TLN2: variants seen among roughly 807,000 people sequenced by gnomAD.
TLN2 encodes the protein talin 2, also known as talin-2.
TLN2 carries 118 observed loss-of-function variants against 294.7 expected under a neutral mutation model. The observed-to-expected ratio is 0.40, with a 90% CI of 0.34 to 0.47. The LOEUF (loss-of-function observed/expected upper bound fraction) is 0.47. Ranked by LOEUF, TLN2 falls within the 20% of genes least tolerant of loss-of-function variation. TLN2 has a pLI of 0.84. For missense variants in TLN2, 3,083 were observed against 3,282.2 expected, an observed-to-expected ratio of 0.94 and a Z score of 1.48; for synonymous variants, 1,431 against 1,304.5, an observed-to-expected ratio of 1.10 and a Z score of -2.09.
In TLN2 at chr15:62,746,317, G is replaced by A. The variant is rs1401848962; in HGVS notation, c.4026-2034G>A. 2.0e-5 allele frequency among the ~76,000 whole-genome samples: 3 copies of A among 152,146 alleles called. No individual in the cohort carries two copies. The East Asian group carries it at 5.8e-4, about 29-fold the overall frequency. Reference sequence around the variant, plus strand: ...TAGAACAGGGTGCTGGACTCCCCAGGAGGTACTTTAAAAGCGCGCATTGAG... The same window carrying A: ...TAGAACAGGGTGCTGGACTCCCCAGAAGGTACTTTAAAAGCGCGCATTGAG... On this transcript the variant is annotated intron_variant, in intron 32 of 58. Transcript: ENST00000636159.
At chr15:62,648,404 C>CAAAAA (rs66528062) in intron 4 of TLN2, among the ~76,000 whole-genome samples, 42 of 61,834 alleles carry the variant, frequency 6.8e-4, no homozygotes, top group Admixed American at 2.3e-3. Context: ...GACCCTGACT[C>CAAAAA]AAAAAAAAAA....
At chr15:62,412,936 G>T in intron 1 of TLN2, among the ~76,000 whole-genome samples, 1 of 152,180 alleles carries the variant, frequency 6.6e-6, no homozygotes, top group Non-Finnish European at 1.5e-5. Context: ...AACTCTCCTG[G>T]GGGCTCTTTC....
chr15:62,466,995 G>T (rs763816006), intron 1 of TLN2, among the ~76,000 whole-genome samples: 1 of 152,210 alleles, frequency 6.6e-6, no homozygotes, highest in Admixed American at 6.5e-5. Flanking sequence ...TTAGCCCTCC[G>T]TTTTGTGAGC....
At chr15:62,477,550 A>G (rs1263692551) in intron 1 of TLN2, among the ~76,000 whole-genome samples, 1 of 152,130 alleles carries the variant, frequency 6.6e-6, no homozygotes, top group Non-Finnish European at 1.5e-5. Context: ...CATAGGTTGT[A>G]GGTTTGTCCA....
intron 1 of TLN2, among the ~76,000 whole-genome samples, chr15:62,434,184 C>T (rs920739422): frequency 6.6e-6 from 1 of 152,156 alleles, no homozygotes; most frequent in East Asian, 1.9e-4. Context: ...TAAAGGCAAC[C>T]ACTGTTAGTG....
At chr15:62,710,658 T>A (rs1321188233) in intron 21 of TLN2, among the ~76,000 whole-genome samples, 7 of 151,916 alleles carry the variant, frequency 4.6e-5, no homozygotes, top group Admixed American at 4.6e-4. Flanking sequence ...ATTGGTATTT[T>A]AGTGAACCAC....
intron 1 of TLN2, among the ~76,000 whole-genome samples, chr15:62,455,594 G>A (rs754926240): frequency 2.0e-5 from 3 of 152,224 alleles, no homozygotes; most frequent in Non-Finnish European, 2.9e-5. Flanking sequence ...CGACTTCTGC[G>A]GTTACCACTA....
At chr15:62,776,685 C>G (rs762681984) in intron 42 of TLN2, 79 bp from the exon 43 acceptor site, 2 of 1,279,588 alleles carry the variant, frequency 1.6e-6, no homozygotes, top group Non-Finnish European at 2.0e-6. Flanking sequence ...GTTTTATATT[C>G]TACTTTTGAA....
rs560891794 is a variant in TLN2, at chr15:62,490,868, C to T, written c.-237-98819C>T. Among the ~76,000 whole-genome samples, 14 of 152,160 alleles carry T rather than the reference C, an allele frequency of 9.2e-5. No individual in the cohort carries two copies. In the Middle Eastern group the frequency reaches 0.01, roughly 111 times the overall value. On this transcript the variant is annotated intron_variant, in intron 1 of 58. Transcript: ENST00000636159. ...CATTCCCACCTTTAACACTGAACCC[C>T]CCAAATCTGAGATAGGTCTCAGTCA...
rs148846746 is a variant in TLN2, at chr15:62,834,058, C to T, written c.7128+429C>T. 5.2e-3 allele frequency: 800 copies of T among 153,998 alleles called. 4 individuals are homozygous for T. Among genetic ancestry groups the T allele is most frequent in the African/African-American group, 0.018 (754 of 41,658 alleles). The allele number at this position is 153,998 out of a possible 1,614,324, so 9.5% of individuals were successfully genotyped here. On this transcript the variant is annotated intron_variant, in intron 55 of 58. Coordinates refer to ENST00000636159, the MANE Select transcript of TLN2 (RefSeq NM_015059.3). ...TGTCGAGCTGAATACTGGCCAGCTT[C>T]GCAGTTAGCACTTTCCTAAGTCTGC... is the stretch of plus-strand genomic sequence containing the variant.
chr15:62,833,365 C>A, intron 54 of TLN2, 139 bp from the exon 55 acceptor site: 2 of 1,293,826 alleles, frequency 1.5e-6, no homozygotes, highest in Non-Finnish European at 1.1e-6. Flanking sequence ...TGTTAAGGAA[C>A]CATCCCATTT....
At chr15:62,529,201 C>T (rs1030706565) in intron 1 of TLN2, among the ~76,000 whole-genome samples, 2 of 151,920 alleles carry the variant, frequency 1.3e-5, no homozygotes, top group African/African-American at 4.8e-5. Flanking sequence ...TCAGTTGACC[C>T]TCTTACGTCA....
At chr15:62,463,885 T>TCAAA (rs752946600) in intron 1 of TLN2, among the ~76,000 whole-genome samples, 122 of 152,186 alleles carry the variant, frequency 8.0e-4, no homozygotes, top group South Asian at 1.7e-3. Context: ...AGACTCTGTC[T>TCAAA]CAAACAAACA....
intron 52 of TLN2, among the ~76,000 whole-genome samples, chr15:62,812,460 G>A (rs926170875): frequency 1.4e-4 from 22 of 152,220 alleles, no homozygotes; most frequent in African/African-American, 2.6e-4. Context: ...TGTCTGACAC[G>A]TACAAAGGCC....
At chr15:62,640,907 T>C (rs1476642642) in intron 3 of TLN2, among the ~76,000 whole-genome samples, 1 of 152,046 alleles carries the variant, frequency 6.6e-6, no homozygotes, top group Admixed American at 6.6e-5. Flanking sequence ...GTTCCAGCAA[T>C]TTTCCTGCCT....
chr15:62,462,807 C>T lies in TLN2; in HGVS notation c.-238+72122C>T, dbSNP rs551069118. ...ATGCAGGCTGGACAGCATCCTCTGG[C>T]CATTTCTCTTTCCCTCGTTCATTGC... On this transcript the variant is annotated intron_variant, in intron 1 of 58. Coordinates refer to ENST00000636159, the MANE Select transcript of TLN2 (RefSeq NM_015059.3). Among the ~76,000 whole-genome samples, 11 of 152,224 alleles carry T rather than the reference C, an allele frequency of 7.2e-5. No homozygotes were observed. In the South Asian group the frequency reaches 2.1e-3, roughly 29 times the overall value.
At chr15:62,707,347 T>G (rs959562154) in intron 20 of TLN2, 94 bp downstream of exon 20, 29 of 1,398,102 alleles carry the variant, frequency 2.1e-5, no homozygotes, top group Non-Finnish European at 2.7e-5. Flanking sequence ...AGAATTTGTT[T>G]AAATAGTCCG....
intron 28 of TLN2, among the ~76,000 whole-genome samples, chr15:62,733,366 T>C (rs1455055800): frequency 6.6e-6 from 1 of 152,128 alleles, no homozygotes; most frequent in Non-Finnish European, 1.5e-5. Flanking sequence ...AGAGAGAGCG[T>C]GTGTGGAAAA....
At chr15:62,776,650 C>T (rs946603311) in intron 42 of TLN2, 114 bp from the exon 43 acceptor site, 27 of 1,011,116 alleles carry the variant, frequency 2.7e-5, no homozygotes, top group African/African-American at 1.7e-4. Flanking sequence ...TAGAATAGAT[C>T]GCTGTGCTCC....
Sources: allele counts gnomAD v4.1 joint callset (sites outside exome capture counted in the v4.1 genomes callset), GRCh38; gene constraint gnomAD v4.1.1; transcripts MANE v1.5; gene names NCBI Gene and HGNC (gene_info 2026-07-23, HGNC 2026-07-21).